PTPN11: variants seen among roughly 807,000 people sequenced by gnomAD.
The protein encoded by PTPN11 is tyrosine-protein phosphatase non-receptor type 11.
A neutral mutation model predicts 78.8 loss-of-function variants in PTPN11; 6 were observed. The observed-to-expected ratio is 0.08, with a 90% CI of 0.04 to 0.15. PTPN11 has a LOEUF of 0.15. Ranked by LOEUF, PTPN11 falls within the 10% of genes least tolerant of loss-of-function variation. The pLI, the probability that PTPN11 is intolerant of heterozygous loss-of-function variation, is 1.00. For synonymous variants in PTPN11, 221 were observed against 263.5 expected (o/e 0.84, Z 1.56); for missense variants, 386 against 744.8 (o/e 0.52, Z 5.61).
intron 1 of PTPN11, among the ~76,000 whole-genome samples, chr12:112,429,719 G>A (rs1465464491): frequency 1.3e-5 from 2 of 150,746 alleles, no homozygotes; most frequent in South Asian, 2.1e-4. Flanking sequence ...CAGGAGAATC[G>A]CTTGAACCCG....
At chr12:112,433,472 A>G (rs989273852) in intron 1 of PTPN11, among the ~76,000 whole-genome samples, 4 of 152,240 alleles carry the variant, frequency 2.6e-5, no homozygotes, top group Non-Finnish European at 4.4e-5. Context: ...TGACAAAGCC[A>G]TTTTATTTCT....
intron 9 of PTPN11, among the ~76,000 whole-genome samples, chr12:112,480,366 CTTTT>C (rs570561435): frequency 4.6e-5 from 6 of 130,290 alleles, no homozygotes; most frequent in African/African-American, 2.9e-5. Flanking sequence ...CCACATCGTT[CTTTT>C]TTTTTTTTTT....
In PTPN11 at chr12:112,477,919, C is replaced by A; in HGVS notation, c.996C>A (p.Gly332=). The stretch of plus-strand genomic sequence containing the variant: ...AAAAGAGTTACATTGCCACACAAGG[C>A]TGCCTGCAAAACACGGTGAATGACT... ...KPKKSYIATQ[G]CLQNTVNDFW... is the part of the protein sequence containing the mutation. Residue 332 remains glycine (G), a synonymous_variant, in exon 9 of 16, where the codon GGC becomes GGA. Transcript: ENST00000351677. 2 of 1,614,170 alleles carry A rather than the reference C, an allele frequency of 1.2e-6. No homozygotes were observed. The highest frequency in any genetic ancestry group is 1.7e-6 in the Non-Finnish European group (2 of 1,180,018).
chr12:112,439,677 C>A (rs957464787), intron 1 of PTPN11, among the ~76,000 whole-genome samples: 6 of 151,728 alleles, frequency 4.0e-5, no homozygotes, highest in African/African-American at 1.5e-4. Flanking sequence ...ACTATGTTGG[C>A]CAGGCTGGTC....
At position 112,506,114 on chromosome 12, in the gene PTPN11, A is replaced by T. The variant is rs2135932071; in HGVS notation, c.*322A>T. 6.6e-6 allele frequency: 1 copy of T among 152,322 alleles called. No individual in the cohort carries two copies. The highest frequency in any genetic ancestry group is 2.4e-5 in the African/African-American group (1 of 41,578). The allele number at this position is 152,322 out of a possible 1,614,324, so 9.4% of individuals were successfully genotyped here. ...AATTGTGCGCTGTATTTTGCAGATT[A>T]TGGGGATTCAAATTCTAGTAATAGG... On this transcript the variant is annotated 3_prime_UTR_variant, in exon 16 of 16. Coordinates refer to ENST00000351677, the MANE Select transcript of PTPN11 (RefSeq NM_002834.5).
Position 112,446,376 on chromosome 12 carries a change from G to A in PTPN11, c.115G>A (p.Gly39Arg), listed in dbSNP as rs886041585. 1 of 1,613,936 alleles carries A rather than the reference G, an allele frequency of 6.2e-7. No homozygotes were observed. The highest frequency in any genetic ancestry group is 1.7e-5 in the Admixed American group (1 of 59,974). Residue 39 changes from glycine to arginine, a missense_variant, in exon 2 of 16, where the codon GGA becomes AGA. Transcript: ENST00000351677. ...GGCAAGGCCTAGTAAAAGTAACCCT[G>A]GAGACTTCACACTTTCCGTTAGGTA... ...FLARPSKSNP[G>R]DFTLSVRRNG...
At chr12:112,452,844 T>A (rs2038097164) in intron 3 of PTPN11, among the ~76,000 whole-genome samples, 1 of 152,156 alleles carries the variant, frequency 6.6e-6, no homozygotes, top group Non-Finnish European at 1.5e-5. Context: ...CTTCTTTAAA[T>A]GGCTATAATT....
chr12:112,491,681 C>A (rs982487485), intron 13 of PTPN11, among the ~76,000 whole-genome samples: 1 of 152,124 alleles, frequency 6.6e-6, no homozygotes, highest in African/African-American at 2.4e-5. Context: ...TCCAGGGTCA[C>A]ACAGTGCATT....
chr12:112,467,718 C>T (rs2038352835), intron 6 of PTPN11, among the ~76,000 whole-genome samples: 1 of 152,148 alleles, frequency 6.6e-6, no homozygotes, highest in South Asian at 2.1e-4. Flanking sequence ...TGGTCTCGGA[C>T]TCCTGATCTC....
chr12:112,425,752 A>G (rs2037606792), intron 1 of PTPN11, among the ~76,000 whole-genome samples: 1 of 151,956 alleles, frequency 6.6e-6, no homozygotes, highest in Admixed American at 6.6e-5. Context: ...TTTTTGAGAC[A>G]AGGTCTCACT....
At chr12:112,424,650 A>C (rs1162375278) in intron 1 of PTPN11, among the ~76,000 whole-genome samples, 1 of 152,164 alleles carries the variant, frequency 6.6e-6, no homozygotes, top group Non-Finnish European at 1.5e-5. Context: ...ATAGTGATTT[A>C]TAAAGACATA....
chr12:112,458,862 G>A (rs972829423), intron 6 of PTPN11, among the ~76,000 whole-genome samples: 12 of 151,988 alleles, frequency 7.9e-5, no homozygotes, highest in South Asian at 6.2e-4. Context: ...GTAAAACCCC[G>A]TCTCTACAAA....
intron 1 of PTPN11, among the ~76,000 whole-genome samples, chr12:112,422,405 G>T (rs1405507361): frequency 6.6e-6 from 1 of 152,156 alleles, no homozygotes; most frequent in Non-Finnish European, 1.5e-5. Context: ...TTGCTTCTCT[G>T]CCCTTTTCTG....
chr12:112,473,548 CAGA>C (rs1205461798), intron 7 of PTPN11, among the ~76,000 whole-genome samples: 4 of 152,054 alleles, frequency 2.6e-5, no homozygotes, highest in Admixed American at 1.3e-4. Context: ...CTAAACTGCT[CAGA>C]AGAAGACTTT....
chr12:112,467,253 AT>A (rs1325673040), intron 6 of PTPN11, among the ~76,000 whole-genome samples: 2 of 152,246 alleles, frequency 1.3e-5, no homozygotes, highest in African/African-American at 4.8e-5. Flanking sequence ...ATACCTTTTA[AT>A]AGTTTATTAG....
At chr12:112,471,309 G>T (rs2135892396) in intron 6 of PTPN11, among the ~76,000 whole-genome samples, 1 of 150,624 alleles carries the variant, frequency 6.6e-6, no homozygotes, top group Middle Eastern at 3.5e-3. Flanking sequence ...TTACTTTCTT[G>T]ATTTGCCTAT....
chr12:112,499,042 G>C (rs182235481), intron 13 of PTPN11, among the ~76,000 whole-genome samples: 54 of 152,238 alleles, frequency 3.5e-4, no homozygotes, highest in Non-Finnish European at 6.9e-4. Context: ...GTATTGAGTA[G>C]GGAGGGGGAA....
At chr12:112,425,208 A>G (rs909266895) in intron 1 of PTPN11, among the ~76,000 whole-genome samples, 2 of 152,082 alleles carry the variant, frequency 1.3e-5, no homozygotes, top group Non-Finnish European at 2.9e-5. Context: ...ATTATTGTTG[A>G]GATGGCAAAA....
At chr12:112,481,054 G>A (rs1334370279) in intron 9 of PTPN11, among the ~76,000 whole-genome samples, 6 of 152,196 alleles carry the variant, frequency 3.9e-5, no homozygotes, top group Admixed American at 1.3e-4. Context: ...GCATTCCCAG[G>A]CACCCAGTTA....
Sources: gnomAD v4.1 joint callset for allele counts (sites outside exome capture counted in the v4.1 genomes callset) on GRCh38, gnomAD v4.1.1 for gene constraint, MANE v1.5 for transcripts, NCBI Gene and HGNC (gene_info 2026-07-23, HGNC 2026-07-21) for gene names.